The following ADAMTS17 variants were observed in gnomAD, a reference collection of about 807,000 sequenced individuals.
ADAMTS17 encodes the protein A disintegrin and metalloproteinase with thrombospondin motifs 17.
ADAMTS17 carries 113 observed loss-of-function variants against 141.5 expected under a neutral mutation model. The observed-to-expected ratio is 0.80, with a 90% CI of 0.69 to 0.93. The LOEUF is 0.93. Among genes scored for constraint, ADAMTS17 ranks in the 40% least tolerant of loss-of-function variants. The pLI, the probability that ADAMTS17 is intolerant of heterozygous loss-of-function variation, is 0.00. For synonymous variants in ADAMTS17, 768 were observed against 630.6 expected (o/e 1.22, Z -3.27); for missense variants, 1,659 against 1,517.9 (o/e 1.09, Z -1.54).
chr15:100,286,108 C>G (rs992867482), intron 3 of ADAMTS17, among the ~76,000 whole-genome samples: 1 of 152,182 alleles, frequency 6.6e-6, no homozygotes, highest in Non-Finnish European at 1.5e-5. Flanking sequence ...TCCACCGACG[C>G]GACCAGCCCA....
intron 18 of ADAMTS17, among the ~76,000 whole-genome samples, chr15:100,016,296 G>A (rs1376630576): frequency 6.6e-6 from 1 of 152,084 alleles, no homozygotes; most frequent in African/African-American, 2.4e-5. Context: ...TCCTTGCAGT[G>A]GGCTTTGCCT....
chr15:100,151,546 C>A (rs1480271341), intron 10 of ADAMTS17, among the ~76,000 whole-genome samples: 1 of 152,200 alleles, frequency 6.6e-6, no homozygotes, highest in African/African-American at 2.4e-5. Context: ...ATCCACACAT[C>A]CTCCTTGGGA....
At chr15:100,233,420 C>A (rs185954882) in intron 7 of ADAMTS17, among the ~76,000 whole-genome samples, 9 of 152,196 alleles carry the variant, frequency 5.9e-5, no homozygotes, top group African/African-American at 1.4e-4. Context: ...ACAAACGGAA[C>A]TGGAAATTCC....
At chr15:99,982,898 C>T (rs1480462045) in intron 20 of ADAMTS17, among the ~76,000 whole-genome samples, 1 of 152,190 alleles carries the variant, frequency 6.6e-6, no homozygotes, top group East Asian at 1.9e-4. Context: ...GTCCACCACC[C>T]TTCCCAGGCA....
At chr15:100,323,072 G>A (rs184156956) in intron 3 of ADAMTS17, among the ~76,000 whole-genome samples, 3,474 of 115,656 alleles carry the variant, frequency 0.03, 58 homozygotes, top group Middle Eastern at 0.048. Flanking sequence ...GGGAGACAGC[G>A]AGACTCCGTC....
chr15:100,200,069 G>C (rs926878745), intron 7 of ADAMTS17, among the ~76,000 whole-genome samples: 1 of 152,246 alleles, frequency 6.6e-6, no homozygotes, highest in East Asian at 1.9e-4. Context: ...AGCGCTGGGA[G>C]AGCCAGGGTC....
intron 12 of ADAMTS17, among the ~76,000 whole-genome samples, chr15:100,121,188 G>C (rs182945621): frequency 7.1e-4 from 108 of 152,304 alleles, no homozygotes; most frequent in Middle Eastern, 6.8e-3. Context: ...AAAAAATGTA[G>C]AAAAGTAAGC....
intron 8 of ADAMTS17, among the ~76,000 whole-genome samples, chr15:100,185,604 A>C (rs1241542417): frequency 6.6e-6 from 1 of 152,184 alleles, no homozygotes; most frequent in Non-Finnish European, 1.5e-5. Context: ...AAAGAACTCT[A>C]ATGTTAAGAA....
At chr15:99,989,212 A>G (rs956427499) in intron 20 of ADAMTS17, among the ~76,000 whole-genome samples, 2 of 152,168 alleles carry the variant, frequency 1.3e-5, no homozygotes, top group Non-Finnish European at 2.9e-5. Flanking sequence ...AGGGGTGACA[A>G]CCTTGGCTGG....
rs144180752 is a variant in ADAMTS17, at chr15:100,237,566, G to A, written c.1075+16570C>T. Among the ~76,000 whole-genome samples, 299 of 152,344 alleles carry A rather than the reference G, an allele frequency of 2.0e-3. 1 individual carries two copies. Among genetic ancestry groups the A allele is most frequent in the African/African-American group, 6.8e-3 (284 of 41,584 alleles). On this transcript the variant is annotated intron_variant, in intron 7 of 21. Coordinates refer to ENST00000268070, the MANE Select transcript of ADAMTS17 (RefSeq NM_139057.4). Reference sequence around the variant, plus strand: ...GATGGGCAAGCCTCACAGCAGTCCCGTGGGGAAGACACTGCTGTCTCAATA... The same window carrying A: ...GATGGGCAAGCCTCACAGCAGTCCCATGGGGAAGACACTGCTGTCTCAATA...
chr15:100,329,986 G>C (rs746580666), intron 3 of ADAMTS17, among the ~76,000 whole-genome samples: 8 of 152,182 alleles, frequency 5.3e-5, no homozygotes, highest in Non-Finnish European at 1.2e-4. Context: ...ACAAAGATAA[G>C]TCTTTAAACT....
At chr15:100,253,318 A>C (rs2043210870) in intron 7 of ADAMTS17, among the ~76,000 whole-genome samples, 1 of 138,074 alleles carries the variant, frequency 7.2e-6, no homozygotes, top group Non-Finnish European at 1.5e-5. Context: ...TGAGGACGGG[A>C]GAGAAAGGAA....
At position 100,153,666 on chromosome 15, in the gene ADAMTS17, G is replaced by C. The variant is rs536358495; in HGVS notation, c.1323-904C>G. Reference sequence around the variant, plus strand: ...CTCATAAATAACTAAATGAATAAGTGAACTGGGGATTGCGAGGCTCTGGCT... The same window carrying C: ...CTCATAAATAACTAAATGAATAAGTCAACTGGGGATTGCGAGGCTCTGGCT... On this transcript the variant is annotated intron_variant, in intron 9 of 21. Coordinates refer to ENST00000268070, the MANE Select transcript of ADAMTS17 (RefSeq NM_139057.4). Among the ~76,000 whole-genome samples the C allele has an allele frequency of 2.4e-4, 37 of 152,020 alleles. No individual in the cohort carries two copies. The South Asian group carries it at 7.5e-3, about 31-fold the overall frequency.
chr15:100,136,344 A>C (rs2038333080), intron 10 of ADAMTS17, among the ~76,000 whole-genome samples: 1 of 152,214 alleles, frequency 6.6e-6, no homozygotes, highest in South Asian at 2.1e-4. Flanking sequence ...AATGACAGCA[A>C]AGGAGAAGTT....
intron 7 of ADAMTS17, among the ~76,000 whole-genome samples, chr15:100,203,065 C>T (rs952108789): frequency 6.6e-6 from 1 of 152,196 alleles, no homozygotes; most frequent in Non-Finnish European, 1.5e-5. Flanking sequence ...ATTTATTAGT[C>T]GTGCCTCTAA....
At position 100,209,113 on chromosome 15, in the gene ADAMTS17, C is replaced by CAAAAAAA. The variant is rs60742726; in HGVS notation, c.1076-9697_1076-9691dup. Among the ~76,000 whole-genome samples the CAAAAAAA allele has an allele frequency of 1.8e-4, 17 of 96,928 alleles. 1 individual carries two copies. Among genetic ancestry groups the CAAAAAAA allele is most frequent in the Non-Finnish European group, 2.5e-4 (13 of 52,100 alleles). The allele number at this position is 96,928 out of a possible 152,430, so 63.6% of individuals were successfully genotyped here. A position where few individuals can be genotyped will look rare whatever the true frequency, so the allele number is the denominator to read the frequency against. On this transcript the variant is annotated intron_variant, in intron 7 of 21. Transcript: ENST00000268070. The stretch of plus-strand genomic sequence containing the variant: ...TGCATGGAAATATTTGCCAAGTTAG[C>CAAAAAAA]AAAAAAAAAAAAAAAAAAAAGGAAG...
At chr15:100,032,048 C>T (rs2030227581) in intron 18 of ADAMTS17, among the ~76,000 whole-genome samples, 1 of 152,170 alleles carries the variant, frequency 6.6e-6, no homozygotes, top group Admixed American at 6.5e-5. Context: ...GCATTACTTA[C>T]CCATAGAGGA....
intron 3 of ADAMTS17, among the ~76,000 whole-genome samples, chr15:100,301,491 ATTTTTTTT>A (rs55686011): frequency 1.5e-5 from 2 of 133,320 alleles, no homozygotes; most frequent in Admixed American, 7.5e-5. Context: ...CACCGGGCTA[ATTTTTTTT>A]TTTTTTTTTT....
chr15:100,029,208 T>C (rs1225754121), intron 18 of ADAMTS17, among the ~76,000 whole-genome samples: 5 of 152,226 alleles, frequency 3.3e-5, no homozygotes, highest in Admixed American at 6.5e-5. Context: ...AGATTTCCGC[T>C]TGGTGCTGAG....
Sources: allele counts gnomAD v4.1 joint callset (sites outside exome capture counted in the v4.1 genomes callset), GRCh38; gene constraint gnomAD v4.1.1; transcripts MANE v1.5; gene names NCBI Gene and HGNC (gene_info 2026-07-23, HGNC 2026-07-21).